Variants in GUCY2C observed in about 807,000 individuals in gnomAD.
The protein encoded by GUCY2C is guanylyl cyclase C.
Under a neutral mutation model 131.1 loss-of-function variants are expected in GUCY2C, and 118 were observed. That is an observed-to-expected ratio of 0.90 (90% CI 0.78 to 1.05). The LOEUF is 1.05. Ranked by LOEUF, GUCY2C falls within the 50% of genes least tolerant of loss-of-function variation. GUCY2C has a pLI of 0.00. For missense variants in GUCY2C, 1,161 were observed against 1,304.4 expected, an observed-to-expected ratio of 0.89 and a Z score of 1.69; for synonymous variants, 452 against 457.8, an observed-to-expected ratio of 0.99 and a Z score of 0.16.
intron 7 of GUCY2C, among the ~76,000 whole-genome samples, chr12:14,675,207 C>CAA (rs35870014): frequency 0.083 from 2,818 of 34,044 alleles, 141 homozygotes; most frequent in East Asian, 0.17. Context: ...AACTCCATCT[C>CAA]AAAAAAAAAA....
At chr12:14,693,941 C>A (rs1317880065) in intron 1 of GUCY2C, among the ~76,000 whole-genome samples, 1 of 152,212 alleles carries the variant, frequency 6.6e-6, no homozygotes, top group Non-Finnish European at 1.5e-5. Context: ...TGTGTTCTAG[C>A]AGTAGCAACA....
chr12:14,692,596 C>G (rs912767665), intron 1 of GUCY2C, among the ~76,000 whole-genome samples: 5 of 152,230 alleles, frequency 3.3e-5, no homozygotes, highest in African/African-American at 1.2e-4. Context: ...GCCTATAATC[C>G]CAGCACTTTG....
intron 11 of GUCY2C, among the ~76,000 whole-genome samples, chr12:14,660,378 A>C (rs1249306449): frequency 6.6e-6 from 1 of 152,196 alleles, no homozygotes; most frequent in Non-Finnish European, 1.5e-5. Context: ...ACCCAAGTTG[A>C]GCAGAAAAAT....
At chr12:14,640,963 T>G (rs981181803) in intron 18 of GUCY2C, 119 bp downstream of exon 18, 74 of 842,646 alleles carry the variant, frequency 8.8e-5, no homozygotes, top group Middle Eastern at 3.7e-4. Context: ...AGATGGGAAA[T>G]CATTAATTTT....
chr12:14,696,246 C>G lies in GUCY2C; in HGVS notation c.203G>C (p.Arg68Pro), dbSNP rs550836055. The change falls in exon 1 of 27, where the codon CGT becomes CCT. Residue 68 changes from arginine (R) to proline (P), a missense_variant. Physicochemically the swap from Arg to Pro is moderately radical, Grantham distance 103. Transcript: ENST00000261170. ...CATTTTCTTACCAGCATTTTGCAGA[C>G]GTCCTCTCACTATTTCCAGCCCCTC... ...VNEGLEIVRG[R>P]LQNAGLNVTV... 2 of 1,613,210 alleles carry G rather than the reference C, an allele frequency of 1.2e-6. No individual in the cohort carries two copies. The highest frequency in any genetic ancestry group is 2.7e-5 in the African/African-American group (2 of 74,908).
At chr12:14,691,352 C>T (rs2099015) in intron 1 of GUCY2C, among the ~76,000 whole-genome samples, 32,342 of 151,968 alleles carry the variant, frequency 0.21, 4,049 homozygotes, top group African/African-American at 0.31. Flanking sequence ...AGTGTAACCG[C>T]GAGTCAGCTT....
chr12:14,683,224 T>C lies in GUCY2C; in HGVS notation c.429A>G (p.Ser143=). Residue 143 remains serine (S), a synonymous_variant, in exon 4 of 27, where the codon TCA becomes TCG. Coordinates refer to ENST00000261170, the MANE Select transcript of GUCY2C (RefSeq NM_004963.4). ...LDTELSYPMI[S]AGSFGLSCDY... ...CACATGACAATCCAAAACTTCCAGC[T>C]GAGATCATGGGGTAGCTCAATTCTG... is the stretch of plus-strand genomic sequence containing the variant. 1 of 1,613,382 alleles carries C rather than the reference T, an allele frequency of 6.2e-7. No individual in the cohort carries two copies. Among genetic ancestry groups the C allele is most frequent in the African/African-American group, 1.3e-5 (1 of 75,010 alleles).
At chr12:14,624,512 A>G (rs1238789590) in intron 21 of GUCY2C, among the ~76,000 whole-genome samples, 1 of 152,186 alleles carries the variant, frequency 6.6e-6, no homozygotes, top group Non-Finnish European at 1.5e-5. Flanking sequence ...TAATGTATTT[A>G]CCCCAAGGGG....
chr12:14,637,856 C>T (rs762406211), intron 19 of GUCY2C, among the ~76,000 whole-genome samples: 2 of 152,044 alleles, frequency 1.3e-5, no homozygotes, highest in Non-Finnish European at 2.9e-5. Context: ...CACAGGCAAC[C>T]AAACCAAAAA....
chr12:14,625,694 T>C (rs1280932732), intron 21 of GUCY2C, 63 bp downstream of exon 21: 13 of 1,516,678 alleles, frequency 8.6e-6, no homozygotes, highest in Non-Finnish European at 1.0e-5. Flanking sequence ...AAATCCTATA[T>C]AGATACAATG....
chr12:14,653,010 T>A lies in GUCY2C; in HGVS notation c.1475A>T (p.Asp492Val), dbSNP rs758248337. The A allele has an allele frequency of 6.2e-7, 1 of 1,609,330 alleles. No individual in the cohort carries two copies. The highest frequency in any genetic ancestry group is 8.5e-7 in the Non-Finnish European group (1 of 1,175,618). ...GATTGTATCTCGTCTTTTGTCATCA[T>A]CGATCTGGCACAAGAAAAGGCTAAT... ...NETNHVSLKIDDDKRRDTIQR... is the reference protein window; with the variant it reads ...NETNHVSLKIVDDKRRDTIQR... Residue 492 changes from aspartate (D) to valine (V), a missense_variant, in exon 13 of 27, where the codon GAT (aspartate) becomes GTT (valine). Physicochemically the swap from Asp to Val is radical, Grantham distance 152. Coordinates refer to ENST00000261170, the MANE Select transcript of GUCY2C (RefSeq NM_004963.4).
chr12:14,690,578 G>A (rs934675519), intron 1 of GUCY2C, among the ~76,000 whole-genome samples: 1 of 151,742 alleles, frequency 6.6e-6, no homozygotes, highest in Admixed American at 6.6e-5. Flanking sequence ...AGTCTGCACT[G>A]TTGCTCTGGC....
intron 7 of GUCY2C, among the ~76,000 whole-genome samples, chr12:14,676,522 C>T (rs1948238690): frequency 6.6e-6 from 1 of 152,164 alleles, no homozygotes; most frequent in African/African-American, 2.4e-5. Context: ...TAATTTCTAC[C>T]TATTTTAAGT....
chr12:14,668,638 T>C (rs1268467546), intron 10 of GUCY2C, among the ~76,000 whole-genome samples: 1 of 152,088 alleles, frequency 6.6e-6, no homozygotes, highest in Admixed American at 6.5e-5. Context: ...TCTACTTTTT[T>C]TTTTTTTTTT....
At chr12:14,664,869 CATTCATTT>C (rs1282855329) in intron 10 of GUCY2C, among the ~76,000 whole-genome samples, 3 of 152,072 alleles carry the variant, frequency 2.0e-5, no homozygotes, top group African/African-American at 7.2e-5. Context: ...TTCATTCATT[CATTCATTT>C]ATTCATTCCA....
In GUCY2C at chr12:14,613,299, CAG is replaced by C. The variant is rs1344907113; in HGVS notation, c.3048-10_3048-9del. 1 of 1,607,268 alleles carries C rather than the reference CAG, an allele frequency of 6.2e-7. No individual in the cohort carries two copies. The highest frequency in any genetic ancestry group is 8.5e-7 in the Non-Finnish European group (1 of 1,174,288). Reference sequence around the variant, plus strand: ...AAACGCTGTTGATTCTCCCTGGAAACAGAGTGGGAAGAGAAAATAGAACTTCT... The same window carrying C: ...AAACGCTGTTGATTCTCCCTGGAAACAGTGGGAAGAGAAAATAGAACTTCT... On this transcript the variant is annotated splice_polypyrimidine_tract_variant and intron_variant, in intron 26 of 26. Coordinates refer to ENST00000261170, the MANE Select transcript of GUCY2C (RefSeq NM_004963.4). This position sits in a 1 kb window ranked among gnomAD's most constrained non-coding sequence, Gnocchi z 4.9.
chr12:14,645,462 C>A, intron 15 of GUCY2C, 147 bp from the exon 16 acceptor site: 1 of 575,076 alleles, frequency 1.7e-6, no homozygotes, highest in Non-Finnish European at 3.1e-6. Context: ...TTTCATGAAC[C>A]TGTGTTTTTT....
intron 1 of GUCY2C, among the ~76,000 whole-genome samples, chr12:14,688,602 A>T (rs951764222): frequency 1.3e-5 from 2 of 152,218 alleles, no homozygotes; most frequent in South Asian, 4.1e-4. Context: ...TCCAGTCAAC[A>T]AACAGTTATT....
intron 19 of GUCY2C, among the ~76,000 whole-genome samples, chr12:14,635,029 A>G (rs185372050): frequency 2.0e-5 from 3 of 152,354 alleles, no homozygotes; most frequent in African/African-American, 7.2e-5. Context: ...GGGGACTTCA[A>G]CACTCCACTC....
Sources: gnomAD v4.1 joint callset for allele counts (sites outside exome capture counted in the v4.1 genomes callset) on GRCh38, gnomAD v4.1.1 for gene constraint, Gnocchi (gnomAD v3.1) non-coding constraint, MANE v1.5 for transcripts, NCBI Gene and HGNC (gene_info 2026-07-23, HGNC 2026-07-21) for gene names.